HPS6: variants seen among roughly 807,000 people sequenced by gnomAD.
HPS6 encodes BLOC-2 complex member HPS6.
A neutral mutation model predicts 53.6 loss-of-function variants in HPS6; 46 were observed. That is an observed-to-expected ratio of 0.86 (90% CI 0.68 to 1.10). The LOEUF (loss-of-function observed/expected upper bound fraction) is 1.10, where lower values mean the gene tolerates loss of function less well. Ranked by LOEUF, HPS6 falls within the 50% of genes least tolerant of loss-of-function variation. The pLI, the probability that HPS6 is intolerant of heterozygous loss-of-function variation, is 0.00. For missense variants in HPS6, 1,034 were observed against 991.3 expected (o/e 1.04, Z -0.58); for synonymous variants, 535 against 470.8 (o/e 1.14, Z -1.77).
At position 102,065,542 on chromosome 10, in the gene HPS6, G is replaced by A; in HGVS notation, c.68G>A (p.Arg23Gln). The change falls in exon 1 of 1, where the codon CGG becomes CAG. Residue 23 changes from arginine to glutamine, a missense_variant. Coordinates refer to ENST00000299238, the MANE Select transcript of HPS6 (RefSeq NM_024747.6). ...LSAFGGAARL[R>Q]ELVAGDSAVR... is the part of the protein sequence containing the mutation. ...GCCTTCGGCGGCGCGGCGCGGCTCC[G>A]GGAGCTGGTGGCCGGGGACTCAGCG... 1.3e-6 allele frequency: 2 copies of A among 1,549,738 alleles called. No homozygotes were observed. The highest frequency in any genetic ancestry group is 1.7e-6 in the Non-Finnish European group (2 of 1,159,564).
chr10:102,067,832 C>CCTGGAGGCTTGCTTGGGA lies in HPS6; in HGVS notation c.*47_*64dup, dbSNP rs756496798. On this transcript the variant is annotated 3_prime_UTR_variant, in exon 1 of 1. Transcript: ENST00000299238. ...CCTTCAGGCATCAGAACACTCAGGG[C>CCTGGAGGCTTGCTTGGGA]CTGGAGGCTTGCTTGGGACTGGAGG... 65 of 1,611,890 alleles carry CCTGGAGGCTTGCTTGGGA rather than the reference C, an allele frequency of 4.0e-5. No individual in the cohort carries two copies. The African/African-American group carries it at 5.2e-4, about 13-fold the overall frequency.
In HPS6 at chr10:102,067,464, C is replaced by T. The variant is rs2067980851; in HGVS notation, c.1990C>T (p.Pro664Ser). Residue 664 changes from proline (P) to serine (S), a missense_variant, in exon 1 of 1, where the codon CCC becomes TCC. Coordinates refer to ENST00000299238, the MANE Select transcript of HPS6 (RefSeq NM_024747.6). ...TGGCCTGGCCCTCGGCCCCTCCAGT[C>T]CCCTGCTTCGAAGTGAAATCTTCAA... ...DAGLALGPSS[P>S]LLRSEIFKLL... 1.2e-6 allele frequency: 2 copies of T among 1,613,606 alleles called. No individual in the cohort carries two copies. The highest frequency in any genetic ancestry group is 2.2e-5 in the East Asian group (1 of 44,882).
rs1176611025 is a variant in HPS6 at position 102,067,813 on chromosome 10, G to A, written c.*11G>A. The A allele has an allele frequency of 6.2e-7, 1 of 1,613,024 alleles. No individual in the cohort carries two copies. On this transcript the variant is annotated 3_prime_UTR_variant, in exon 1 of 1. Transcript: ENST00000299238. Reference sequence around the variant, plus strand: ...CCTCGGGACCTATGACTACCCTTCAGGCATCAGAACACTCAGGGCCTGGAG... The same window carrying A: ...CCTCGGGACCTATGACTACCCTTCAAGCATCAGAACACTCAGGGCCTGGAG...
In HPS6 at chr10:102,066,933, G is replaced by A; in HGVS notation, c.1459G>A (p.Glu487Lys). The A allele has an allele frequency of 6.2e-7, 1 of 1,614,218 alleles. No individual in the cohort carries two copies. The highest frequency in any genetic ancestry group is 1.7e-5 in the Admixed American group (1 of 60,028). The change falls in exon 1 of 1, where the codon GAG (glutamate) becomes AAG (lysine). Residue 487 changes from glutamate (E) to lysine (K), a missense_variant. By Grantham distance (56) the Glu-to-Lys change is moderately conservative. Coordinates refer to ENST00000299238, the MANE Select transcript of HPS6 (RefSeq NM_024747.6). ...GGAGGCTGGTTGGACTGAGCTGGCG[G>A]AGCAGGAAGTGGCACGCCTGCTGAG... ...DEEAGWTELA[E>K]QEVARLLRTE...
chr10:102,066,723 C>T lies in HPS6; in HGVS notation c.1249C>T (p.Arg417Trp), dbSNP rs759135358. The T allele has an allele frequency of 3.2e-5, 52 of 1,613,910 alleles. No homozygotes were observed. The highest frequency in any genetic ancestry group is 6.7e-5 in the African/African-American group (5 of 75,046). Reference protein sequence around the residue: ...ACGYYQRRSLRGAQLTPEELR... With the variant: ...ACGYYQRRSLWGAQLTPEELR... ...CGGGTACTACCAGCGGCGGAGCCTG[C>T]GGGGTGCCCAGCTCACTCCAGAAGA... Residue 417 changes from arginine to tryptophan, a missense_variant, in exon 1 of 1, where the codon CGG (arginine) becomes TGG (tryptophan). Coordinates refer to ENST00000299238, the MANE Select transcript of HPS6 (RefSeq NM_024747.6).
At position 102,065,452 on chromosome 10, in the gene HPS6, GCGCGCTCC is replaced by G. The variant is rs778505145; in HGVS notation, c.-17_-10del. ...GCGGCTGGACCTGGGCAAAGCCTGG[GCGCGCTCC>G]CGCGCAGCGGCGCCATGAAGCGCTC... On this transcript the variant is annotated 5_prime_UTR_variant, in exon 1 of 1. Coordinates refer to ENST00000299238, the MANE Select transcript of HPS6 (RefSeq NM_024747.6). 6.5e-7 allele frequency: 1 copy of G among 1,544,732 alleles called. No homozygotes were observed. Among genetic ancestry groups the G allele is most frequent in the South Asian group, 1.2e-5 (1 of 84,066 alleles).
chr10:102,067,196 G>C lies in HPS6; in HGVS notation c.1722G>C (p.Gln574His). Residue 574 changes from glutamine to histidine, a missense_variant, in exon 1 of 1, where the codon CAG becomes CAC. By Grantham distance (24) the Gln-to-His change is conservative (BLOSUM62 0). Coordinates refer to ENST00000299238, the MANE Select transcript of HPS6 (RefSeq NM_024747.6). ...PFELLCQCLC[Q>H]LEPRWLPPFV... ...AACTCCTGTGCCAGTGTCTGTGCCA[G>C]CTGGAGCCTCGATGGCTGCCACCCT... 6.2e-7 allele frequency: 1 copy of C among 1,613,376 alleles called. No individual in the cohort carries two copies. Among genetic ancestry groups the C allele is most frequent in the Non-Finnish European group, 8.5e-7 (1 of 1,180,044 alleles).
Position 102,067,050 on chromosome 10 carries a change from C to T in HPS6, c.1576C>T (p.Gln526Ter), listed in dbSNP as rs865962665. 6.2e-7 allele frequency: 1 copy of T among 1,614,232 alleles called. No homozygotes were observed. The highest frequency in any genetic ancestry group is 1.6e-4 in the Middle Eastern group (1 of 6,062). Residue 526 changes from glutamine (Q) to a stop codon, truncating the protein, a stop_gained, in exon 1 of 1, where the codon CAG (glutamine) becomes TAG (stop). Transcript: ENST00000299238. LOFTEE classifies it high-confidence loss of function. ...CTGGGGTGCCACCCTCAGGGCCCTG[C>T]AGCTCCAGCTAGATGGGAATGGCAA... ...AAWGATLRAL[Q>*]LQLDGNGKLR...
Position 102,067,340 on chromosome 10 carries a change from G to A in HPS6, c.1866G>A (p.Leu622=), listed in dbSNP as rs780949339. Residue 622 remains leucine, a synonymous_variant, in exon 1 of 1, where the codon CTG becomes CTA. Transcript: ENST00000299238. ...AGGAGGGGACCAGGCCTGAGGCTCT[G>A]GAGCTAGAGCTGCTCTTGAGCAGTG... ...LGEEGTRPEA[L]ELELLLSSGR... The A allele has an allele frequency of 1.2e-6, 2 of 1,613,190 alleles. No individual in the cohort carries two copies. Among genetic ancestry groups the A allele is most frequent in the Non-Finnish European group, 1.7e-6 (2 of 1,179,894 alleles).
In HPS6 at chr10:102,066,280, C is replaced by G. The variant is rs140164002; in HGVS notation, c.806C>G (p.Ala269Gly). The G allele has an allele frequency of 1.9e-6, 3 of 1,614,040 alleles. No homozygotes were observed. The South Asian group carries it at 3.3e-5, about 18-fold the overall frequency. Residue 269 changes from alanine to glycine, a missense_variant, in exon 1 of 1, where the codon GCT becomes GGT. By Grantham distance (60) the Ala-to-Gly change is moderately conservative (BLOSUM62 0). Coordinates refer to ENST00000299238, the MANE Select transcript of HPS6 (RefSeq NM_024747.6). ...PGLLSPREPL[A>G]VHTWAPTPQG... Reference sequence around the variant, plus strand: ...TTGCTGTCCCCCAGGGAGCCACTGGCTGTACACACCTGGGCCCCAACTCCC... The same window carrying G: ...TTGCTGTCCCCCAGGGAGCCACTGGGTGTACACACCTGGGCCCCAACTCCC...
In HPS6 at chr10:102,065,481, C is replaced by T. The variant is rs975351475; in HGVS notation, c.7C>T (p.Arg3Cys). 4.5e-6 allele frequency: 7 copies of T among 1,557,836 alleles called. No individual in the cohort carries two copies. The highest frequency in any genetic ancestry group is 2.4e-5 in the East Asian group (1 of 41,060). ...GCTCCCGCGCAGCGGCGCCATGAAG[C>T]GCTCGGGGACTCTGCGGCTGCTCTC... Reference protein sequence around the residue: MKRSGTLRLLSDL... With the variant: MKCSGTLRLLSDL... Residue 3 changes from arginine to cysteine, a missense_variant, in exon 1 of 1, where the codon CGC (arginine) becomes TGC (cysteine). Physicochemically the swap from Arg to Cys is radical, Grantham distance 180 (BLOSUM62 -3). Coordinates refer to ENST00000299238, the MANE Select transcript of HPS6 (RefSeq NM_024747.6).
rs753594956 is a variant in HPS6 at position 102,067,665 on chromosome 10, C to T, written c.2191C>T (p.Leu731Phe). ...PFPEPGAEPP[L>F]TVGLLKALLE... is the part of the protein sequence containing the mutation. ...CCCTGAGCCTGGAGCAGAGCCCCCT[C>T]TCACTGTGGGCTTGCTCAAAGCCCT... Residue 731 changes from leucine to phenylalanine, a missense_variant, in exon 1 of 1, where the codon CTC (leucine) becomes TTC (phenylalanine). Physicochemically the swap from Leu to Phe is conservative, Grantham distance 22. Coordinates refer to ENST00000299238, the MANE Select transcript of HPS6 (RefSeq NM_024747.6). 1.2e-6 allele frequency: 2 copies of T among 1,614,010 alleles called. No individual in the cohort carries two copies. The highest frequency in any genetic ancestry group is 2.2e-5 in the South Asian group (2 of 91,088).
In HPS6 at chr10:102,067,612, C is replaced by T; in HGVS notation, c.2138C>T (p.Pro713Leu). 3 of 1,613,944 alleles carry T rather than the reference C, an allele frequency of 1.9e-6. No individual in the cohort carries two copies. Among genetic ancestry groups the T allele is most frequent in the African/African-American group, 1.3e-5 (1 of 75,064 alleles). ...CTGCTTCTACTGAGGACATACCTCC[C>T]AGATGAGGTGGGGCCCCCAACCCCA... ...ELLLLLRTYL[P>L]DEVGPPTPFP... The change falls in exon 1 of 1, where the codon CCA (proline) becomes CTA (leucine). Residue 713 changes from proline to leucine, a missense_variant. Transcript: ENST00000299238.
Position 102,067,923 on chromosome 10 carries a change from A to G in HPS6, c.*121A>G, listed in dbSNP as rs1465531602. 8.1e-7 allele frequency: 1 copy of G among 1,239,788 alleles called. No homozygotes were observed. The highest frequency in any genetic ancestry group is 1.2e-6 in the Non-Finnish European group (1 of 847,778). The allele number at this position is 1,239,788 out of a possible 1,614,324, so 76.8% of individuals were successfully genotyped here. A position where few individuals can be genotyped will look rare whatever the true frequency, so the allele number is the denominator to read the frequency against. ...CATTTCTAGGACACAGTGATCAGGG[A>G]AGGGTGCCTGGGACTTGGAGGGTCC... On this transcript the variant is annotated 3_prime_UTR_variant, in exon 1 of 1. Coordinates refer to ENST00000299238, the MANE Select transcript of HPS6 (RefSeq NM_024747.6).
chr10:102,066,480 G>A lies in HPS6; in HGVS notation c.1006G>A (p.Asp336Asn), dbSNP rs772000976. The change falls in exon 1 of 1, where the codon GAC (aspartate) becomes AAC (asparagine). Residue 336 changes from aspartate (D) to asparagine (N), a missense_variant. By Grantham distance (23) the Asp-to-Asn change is conservative. Coordinates refer to ENST00000299238, the MANE Select transcript of HPS6 (RefSeq NM_024747.6). ...GCTGGGCTCCACATTGGAACTGCTG[G>A]ACATGGGCAGTGGGCAGCTGCTGGA... ...CVLGSTLELL[D>N]MGSGQLLERK... The A allele has an allele frequency of 6.2e-7, 1 of 1,614,204 alleles. No individual in the cohort carries two copies. Among genetic ancestry groups the A allele is most frequent in the South Asian group, 1.1e-5 (1 of 91,086 alleles).
In HPS6 at chr10:102,065,463, C is replaced by T. The variant is rs759557978; in HGVS notation, c.-12C>T. 1.0e-5 allele frequency: 16 copies of T among 1,550,784 alleles called. No individual in the cohort carries two copies. The highest frequency in any genetic ancestry group is 1.4e-5 in the Non-Finnish European group (16 of 1,160,038). ...TGGGCAAAGCCTGGGCGCGCTCCCG[C>T]GCAGCGGCGCCATGAAGCGCTCGGG... On this transcript the variant is annotated 5_prime_UTR_variant, in exon 1 of 1. Coordinates refer to ENST00000299238, the MANE Select transcript of HPS6 (RefSeq NM_024747.6).
chr10:102,067,819 A>G lies in HPS6; in HGVS notation c.*17A>G, dbSNP rs1448174081. On this transcript the variant is annotated 3_prime_UTR_variant, in exon 1 of 1. Coordinates refer to ENST00000299238, the MANE Select transcript of HPS6 (RefSeq NM_024747.6). ...GACCTATGACTACCCTTCAGGCATC[A>G]GAACACTCAGGGCCTGGAGGCTTGC... The G allele has an allele frequency of 2.5e-6, 4 of 1,612,932 alleles. No individual in the cohort carries two copies.
At position 102,065,858 on chromosome 10, in the gene HPS6, T is replaced by G. The variant is rs1161483317; in HGVS notation, c.384T>G (p.Val128=). Residue 128 remains valine (V), a synonymous_variant, in exon 1 of 1, where the codon GTT becomes GTG. Transcript: ENST00000299238. ...TELCPGGGAR[V]VAVAALRGRL... ...TGTGTCCGGGCGGGGGAGCCCGCGT[T>G]GTGGCAGTGGCGGCGCTCCGAGGCC... 3 of 1,525,468 alleles carry G rather than the reference T, an allele frequency of 2.0e-6. No homozygotes were observed. Among genetic ancestry groups the G allele is most frequent in the Non-Finnish European group, 1.8e-6 (2 of 1,142,210 alleles). The allele number at this position is 1,525,468 out of a possible 1,614,324, so 94.5% of individuals were successfully genotyped here.
In HPS6 at chr10:102,066,959, G is replaced by A. The variant is rs761371997; in HGVS notation, c.1485G>A (p.Arg495=). ...LAEQEVARLL[R]TELIGDQLAQ... ...AGCAGGAAGTGGCACGCCTGCTGAG[G>A]ACTGAGTTGATAGGAGACCAGCTAG... is the stretch of plus-strand genomic sequence containing the variant. The change falls in exon 1 of 1, where the codon AGG becomes AGA. Residue 495 remains arginine, a synonymous_variant. Transcript: ENST00000299238. 6.2e-7 allele frequency: 1 copy of A among 1,614,198 alleles called. No homozygotes were observed. Among genetic ancestry groups the A allele is most frequent in the Non-Finnish European group, 8.5e-7 (1 of 1,180,038 alleles).
Sources: gnomAD v4.1 joint callset for allele counts on GRCh38, gnomAD v4.1.1 for gene constraint, MANE v1.5 for transcripts, NCBI Gene and HGNC (gene_info 2026-07-23, HGNC 2026-07-21) for gene names.